The following EML5 variants were observed in gnomAD, a reference collection of about 807,000 sequenced individuals.
The protein encoded by EML5 is echinoderm microtubule-associated protein-like 5.
A neutral mutation model predicts 250.0 loss-of-function variants in EML5; 120 were observed. That is an observed-to-expected ratio of 0.48 (90% confidence interval 0.41 to 0.56). EML5 has a LOEUF of 0.56. Among genes scored for constraint, EML5 ranks in the 20% least tolerant of loss-of-function variants. The pLI is 0.00. For missense variants in EML5, 2,006 were observed against 2,437.6 expected, an observed-to-expected ratio of 0.82 and a Z score of 3.73; for synonymous variants, 771 against 806.5, an observed-to-expected ratio of 0.96 and a Z score of 0.75.
At chr14:88,699,607 A>C (rs926315113) in intron 14 of EML5, among the ~76,000 whole-genome samples, 27 of 152,316 alleles carry the variant, frequency 1.8e-4, no homozygotes, top group African/African-American at 6.3e-4. Flanking sequence ...AAAAAGCAGA[A>C]GACCAATGGC....
At chr14:88,732,940 G>T (rs1400348060) in intron 7 of EML5, among the ~76,000 whole-genome samples, 1 of 152,018 alleles carries the variant, frequency 6.6e-6, no homozygotes, top group Non-Finnish European at 1.5e-5. Context: ...GAATGGATTT[G>T]GAAATTAGCT....
intron 2 of EML5, among the ~76,000 whole-genome samples, chr14:88,750,841 T>C (rs1165858865): frequency 2.6e-5 from 4 of 152,184 alleles, no homozygotes; most frequent in Non-Finnish European, 4.4e-5. Context: ...AAAATCTAGC[T>C]AGAACAAATG....
chr14:88,726,864 A>C (rs1305419454), intron 7 of EML5, among the ~76,000 whole-genome samples, 186 bp from the exon 8 acceptor site: 1 of 152,136 alleles, frequency 6.6e-6, no homozygotes, highest in African/African-American at 2.4e-5. Flanking sequence ...AGTTGATAGA[A>C]TCTTTTGCTT....
At position 88,766,201 on chromosome 14, in the gene EML5, G is replaced by A. The variant is rs189591477; in HGVS notation, c.198-11530C>T. Among the ~76,000 whole-genome samples, 394 of 152,216 alleles carry A rather than the reference G, an allele frequency of 2.6e-3. 1 individual carries two copies. Among genetic ancestry groups the A allele is most frequent in the Non-Finnish European group, 4.5e-3 (309 of 68,012 alleles). ...AAATTGTTTAAACAATATGAAATCTGGGCACCTTGAAAAAAGAACAGGATA... is the reference window on the plus strand; with the variant it reads ...AAATTGTTTAAACAATATGAAATCTAGGCACCTTGAAAAAAGAACAGGATA... On this transcript the variant is annotated intron_variant, in intron 1 of 43. Transcript: ENST00000554922.
chr14:88,640,353 T>C (rs1363239973), intron 31 of EML5, among the ~76,000 whole-genome samples: 2 of 152,290 alleles, frequency 1.3e-5, no homozygotes, highest in African/African-American at 2.4e-5. Context: ...ATCTCTGCCA[T>C]ACTCTCTACC....
chr14:88,712,370 C>A lies in EML5; in HGVS notation c.1558G>T (p.Asp520Tyr), dbSNP rs748201571. The change falls in exon 10 of 44, where the codon GAT (aspartate) becomes TAT (tyrosine). Residue 520 changes from aspartate (D) to tyrosine (Y), a missense_variant. Around this residue, in one of 7 missense-constraint regions of EML5, gnomAD observed 1,375 missense variants for 1,590.3 expected, o/e 0.86. Transcript: ENST00000554922. ...TAATTTCCATCTACTGAATTTATAT[C>A]GTTGATATCTGAATACTTGGGCCAA... ...GIWPKYSDINDINSVDGNYIG... is the reference protein window; with the variant it reads ...GIWPKYSDINYINSVDGNYIG... 3.1e-6 allele frequency: 5 copies of A among 1,613,266 alleles called. No individual in the cohort carries two copies. The East Asian group carries it at 8.9e-5, about 29-fold the overall frequency.
At chr14:88,791,676 G>C (rs886141790) in intron 1 of EML5, among the ~76,000 whole-genome samples, 2 of 152,330 alleles carry the variant, frequency 1.3e-5, no homozygotes, top group South Asian at 4.1e-4. Context: ...GGAAATCAGT[G>C]AAGTTTTCAG....
chr14:88,679,496 A>G (rs1480572748), intron 21 of EML5, among the ~76,000 whole-genome samples: 1 of 152,060 alleles, frequency 6.6e-6, no homozygotes, highest in East Asian at 1.9e-4. Context: ...GTTCAAGACC[A>G]GCCTGGCCAA....
intron 8 of EML5, among the ~76,000 whole-genome samples, chr14:88,717,773 A>ACAG (rs1302633508): frequency 6.6e-6 from 1 of 152,034 alleles, no homozygotes; most frequent in East Asian, 1.9e-4. Flanking sequence ...AACAACAACA[A>ACAG]CAACAACAAC....
At position 88,642,903 on chromosome 14, in the gene EML5, A is replaced by T; in HGVS notation, c.4227T>A (p.Asn1409Lys). 6.2e-7 allele frequency: 1 copy of T among 1,602,972 alleles called. No homozygotes were observed. ...YHTASVGILH[N>K]VATGSQSFYQ... ...ATCAGGGTTTCCTACCTGTAGCAAC[A>T]TTGTGCAGAATTCCAACAGATGCAG... The change falls in exon 31 of 44, where the codon AAT (asparagine) becomes AAA (lysine). Residue 1409 changes from asparagine (N) to lysine (K), a missense_variant. This residue lies in a region of EML5 where 1,375 missense variants were observed against 1,590.3 expected (regional missense o/e 0.86). Coordinates refer to ENST00000554922, the MANE Select transcript of EML5 (RefSeq NM_183387.3).
chr14:88,666,062 G>GC (rs1291866423), intron 21 of EML5, among the ~76,000 whole-genome samples: 1 of 152,136 alleles, frequency 6.6e-6, no homozygotes, highest in African/African-American at 2.4e-5. Flanking sequence ...TACAACAAAA[G>GC]CAAGTATGGA....
rs923131688 is a variant in EML5 at position 88,620,603 on chromosome 14, T to C, written c.5375+151A>G. 8.0e-6 allele frequency: 5 copies of C among 623,318 alleles called. No homozygotes were observed. The highest frequency in any genetic ancestry group is 1.3e-5 in the Non-Finnish European group (5 of 398,024). The allele number at this position is 623,318 out of a possible 1,614,324, so 38.6% of individuals were successfully genotyped here. The stretch of plus-strand genomic sequence containing the variant: ...ATTTAGCAAGAAGAATTAAGTAGTA[T>C]ACAAACAGCCATATTTTAGCATACA... On this transcript the variant is annotated intron_variant, in intron 39 of 43. Transcript: ENST00000554922. This position sits in a 1 kb window ranked among gnomAD's most constrained non-coding sequence, Gnocchi z 4.3.
chr14:88,705,541 C>T lies in EML5; in HGVS notation c.1873G>A (p.Asp625Asn), dbSNP rs1464157755. ...HSDESDSDLSDVPELDSEIEQ... is the reference protein window; with the variant it reads ...HSDESDSDLSNVPELDSEIEQ... Reference sequence around the variant, plus strand: ...ATTTCAGAATCCAGTTCTGGAACATCAGACAGATCTGAATCTGATTCATCA... The same window carrying T: ...ATTTCAGAATCCAGTTCTGGAACATTAGACAGATCTGAATCTGATTCATCA... The change falls in exon 12 of 44, where the codon GAT becomes AAT. Residue 625 changes from aspartate to asparagine, a missense_variant. By Grantham distance (23) the Asp-to-Asn change is conservative. Coordinates refer to ENST00000554922, the MANE Select transcript of EML5 (RefSeq NM_183387.3). 6.2e-7 allele frequency: 1 copy of T among 1,603,572 alleles called. No homozygotes were observed. The highest frequency in any genetic ancestry group is 1.7e-5 in the Admixed American group (1 of 58,866).
At chr14:88,763,163 C>A (rs2094270575) in intron 1 of EML5, among the ~76,000 whole-genome samples, 1 of 151,942 alleles carries the variant, frequency 6.6e-6, no homozygotes, top group South Asian at 2.1e-4. Context: ...AAGATCACAG[C>A]AGAACTGAAG....
Position 88,705,664 on chromosome 14 carries a change from T to C in EML5, c.1826-76A>G. 5.7e-6 allele frequency: 6 copies of C among 1,056,938 alleles called. No individual in the cohort carries two copies. The South Asian group carries it at 8.3e-5, about 15-fold the overall frequency. 65.5% of individuals were successfully genotyped at this position (1,056,938 alleles called of 1,614,324 possible). On this transcript the variant is annotated intron_variant, in intron 11 of 43. Transcript: ENST00000554922. ...AAAACAGCACTGAAAAATTAATGAT[T>C]AAGAGCTATGTCAGTTGACATGGAG...
In EML5 at chr14:88,681,921, A is replaced by G. The variant is rs1567113618; in HGVS notation, c.3093T>C (p.His1031=). The G allele has an allele frequency of 6.2e-7, 1 of 1,612,288 alleles. No homozygotes were observed. The highest frequency in any genetic ancestry group is 8.5e-7 in the Non-Finnish European group (1 of 1,179,296). ...TLRIWDLSPS[H]CMLAVRKLKK... ...TCAGCTTCCGGACAGCCAACATACA[A>G]TGACTAGGTGAGAGATCCCATATTC... The change falls in exon 21 of 44, where the codon CAT becomes CAC. Residue 1031 remains histidine, a synonymous_variant. Coordinates refer to ENST00000554922, the MANE Select transcript of EML5 (RefSeq NM_183387.3).
At chr14:88,730,333 G>T (rs2093735850) in intron 7 of EML5, among the ~76,000 whole-genome samples, 1 of 152,116 alleles carries the variant, frequency 6.6e-6, no homozygotes, top group South Asian at 2.1e-4. Context: ...CATCACAGAA[G>T]TTATTCACAA....
chr14:88,652,359 G>C (rs956606301), intron 27 of EML5, among the ~76,000 whole-genome samples: 4 of 152,058 alleles, frequency 2.6e-5, no homozygotes, highest in Non-Finnish European at 5.9e-5. Flanking sequence ...TGGCAACGCG[G>C]GGGTCAGTCA....
intron 10 of EML5, among the ~76,000 whole-genome samples, chr14:88,710,995 T>C (rs1330010974): frequency 6.6e-6 from 1 of 152,176 alleles, no homozygotes; most frequent in Admixed American, 6.5e-5. Context: ...GATTAAAGCA[T>C]TTTTGTTTTT....
Sources: gnomAD v4.1 joint callset for allele counts (sites outside exome capture counted in the v4.1 genomes callset) on GRCh38, gnomAD v4.1.1 for gene constraint, gnomAD v4.1.1 regional missense constraint, Gnocchi (gnomAD v3.1) non-coding constraint, MANE v1.5 for transcripts, NCBI Gene and HGNC (gene_info 2026-07-23, HGNC 2026-07-21) for gene names.